RPL27A: variants seen among roughly 807,000 people sequenced by gnomAD.
RPL27A encodes ribosomal protein L27a, also known as large ribosomal subunit protein uL15.
For synonymous variants in RPL27A, 69 were observed against 68.3 expected (o/e 1.01, Z -0.05); for missense variants, 118 against 189.4 (o/e 0.62, Z 2.21).
At chr11:8,684,371 C>T (rs1220185574) in intron 3 of RPL27A, 2 of 724,588 alleles carry the variant, frequency 2.8e-6, no homozygotes, top group South Asian at 1.4e-5. Flanking sequence ...CATTCACCTA[C>T]CCACAAACTA....
chr11:8,685,222 C>G (rs186124746), intron 4 of RPL27A: 1 of 435,940 alleles, frequency 2.3e-6, no homozygotes, highest in Middle Eastern at 7.0e-4. Context: ...TCCCCCAAAA[C>G]AGATGTATTA....
rs2039591235 is a variant in RPL27A, at chr11:8,686,794, A to T, written c.*988A>T. 6.6e-6 allele frequency: 1 copy of T among 152,218 alleles called. No individual in the cohort carries two copies. Among genetic ancestry groups the T allele is most frequent in the Non-Finnish European group, 1.5e-5 (1 of 68,038 alleles). 9.4% of individuals were successfully genotyped at this position (152,218 alleles called of 1,614,324 possible). ...CTGATGGTGACCAATTCATGTTTAC[A>T]AATAAGATCCTCATAGATCTCGGTA... On this transcript the variant is annotated 3_prime_UTR_variant, in exon 5 of 5. Coordinates refer to ENST00000314138, the MANE Select transcript of RPL27A (RefSeq NM_000990.5).
intron 4 of RPL27A, 80 bp from the exon 5 acceptor site, chr11:8,685,598 G>A (rs2039579573): frequency 2.0e-6 from 3 of 1,506,776 alleles, no homozygotes; most frequent in Non-Finnish European, 2.8e-6. Context: ...TAGAAAGTGG[G>A]TTGGCAGTCT....
Position 8,686,798 on chromosome 11 carries a change from A to C in RPL27A, c.*992A>C, listed in dbSNP as rs1374438032. ...TGGTGACCAATTCATGTTTACAAAT[A>C]AGATCCTCATAGATCTCGGTAAATT... On this transcript the variant is annotated 3_prime_UTR_variant, in exon 5 of 5. Coordinates refer to ENST00000314138, the MANE Select transcript of RPL27A (RefSeq NM_000990.5). 3.3e-5 allele frequency: 5 copies of C among 152,220 alleles called. No homozygotes were observed. Among genetic ancestry groups the C allele is most frequent in the Non-Finnish European group, 7.3e-5 (5 of 68,030 alleles). The allele number at this position is 152,220 out of a possible 1,614,324, so 9.4% of individuals were successfully genotyped here.
chr11:8,685,477 T>C (rs1406582812), intron 4 of RPL27A: 1 of 727,818 alleles, frequency 1.4e-6, no homozygotes, highest in Non-Finnish European at 2.5e-6. Context: ...ACTCTTGTCC[T>C]GGTGTGCTAG....
rs1302735564 is a variant in RPL27A at position 8,686,991 on chromosome 11, G to C, written c.*1185G>C. ...GGGTCATAATAAGCCGAGAACCATG[G>C]CTGTCTATGGGACACATCTGTCAGG... On this transcript the variant is annotated 3_prime_UTR_variant, in exon 5 of 5. Transcript: ENST00000314138. 6.6e-6 allele frequency: 1 copy of C among 152,178 alleles called. No individual in the cohort carries two copies. Among genetic ancestry groups the C allele is most frequent in the Non-Finnish European group, 1.5e-5 (1 of 68,032 alleles). The allele number at this position is 152,178 out of a possible 1,614,324, so 9.4% of individuals were successfully genotyped here. A position where few individuals can be genotyped will look rare whatever the true frequency, so the allele number is the denominator to read the frequency against.
intron 1 of RPL27A, 46 bp downstream of exon 1, chr11:8,682,862 C>T (rs755868948): frequency 1.9e-6 from 3 of 1,596,642 alleles, no homozygotes; most frequent in Middle Eastern, 1.7e-4. Context: ...GGCGGAGACC[C>T]CTAAGCTGTA....
In RPL27A at chr11:8,687,879, C is replaced by G. The variant is rs1036887107; in HGVS notation, c.*2073C>G. ...TCCTGATCTGCCCGCCTCAGCCTCC[C>G]AAAGTGCTGGGATTACAGGCATGAG... On this transcript the variant is annotated 3_prime_UTR_variant, in exon 5 of 5. Coordinates refer to ENST00000314138, the MANE Select transcript of RPL27A (RefSeq NM_000990.5). The G allele has an allele frequency of 6.6e-6, 1 of 152,348 alleles. No homozygotes were observed. Among genetic ancestry groups the G allele is most frequent in the African/African-American group, 2.4e-5 (1 of 41,444 alleles). The allele number at this position is 152,348 out of a possible 1,614,324, so 9.4% of individuals were successfully genotyped here. A position where few individuals can be genotyped will look rare whatever the true frequency, so the allele number is the denominator to read the frequency against.
Position 8,684,833 on chromosome 11 carries a change from C to A in RPL27A, c.259C>A (p.Arg87=). The A allele has an allele frequency of 6.2e-7, 1 of 1,613,974 alleles. No homozygotes were observed. Among genetic ancestry groups the A allele is most frequent in the Non-Finnish European group, 8.5e-7 (1 of 1,179,836 alleles). ...GTGGACTTTGGTCAGTGAACAGACA[C>A]GGGTGAATGCTGCTAAAAACAAGAC... ...KLWTLVSEQT[R]VNAAKNKTGA... Residue 87 remains arginine (R), a synonymous_variant, in exon 4 of 5, where the codon CGG becomes AGG. Transcript: ENST00000314138.
At chr11:8,685,241 C>T (rs941881276) in intron 4 of RPL27A, 16 of 426,108 alleles carry the variant, frequency 3.8e-5, no homozygotes, top group Non-Finnish European at 5.3e-5. Context: ...TATGTCTGTC[C>T]TTGCGGGGGT....
chr11:8,684,829 G>A lies in RPL27A; in HGVS notation c.255G>A (p.Gln85=), dbSNP rs1183938164. The A allele has an allele frequency of 6.2e-7, 1 of 1,614,100 alleles. No individual in the cohort carries two copies. The highest frequency in any genetic ancestry group is 1.1e-5 in the South Asian group (1 of 91,078). ...AATTGTGGACTTTGGTCAGTGAACA[G>A]ACACGGGTGAATGCTGCTAAAAACA... ...LDKLWTLVSE[Q]TRVNAAKNKT... The change falls in exon 4 of 5, where the codon CAG becomes CAA. Residue 85 remains glutamine (Q), a synonymous_variant. Coordinates refer to ENST00000314138, the MANE Select transcript of RPL27A (RefSeq NM_000990.5).
intron 4 of RPL27A, chr11:8,685,169 T>C (rs2039574478): frequency 2.0e-6 from 1 of 505,518 alleles, no homozygotes; most frequent in South Asian, 2.1e-5. Context: ...AATCCTAATA[T>C]GTTCCATTGA....
At chr11:8,684,400 C>A in intron 3 of RPL27A, 1 of 717,398 alleles carries the variant, frequency 1.4e-6, no homozygotes. Context: ...TAAATTTTGG[C>A]TATTCAGAAG....
chr11:8,684,130 C>A, intron 3 of RPL27A, 49 bp downstream of exon 3: 1 of 1,481,072 alleles, frequency 6.8e-7, no homozygotes, highest in Non-Finnish European at 9.4e-7. Context: ...GAGGTAGGGG[C>A]AGAGAGAGGG....
intron 2 of RPL27A, chr11:8,683,618 G>C (rs1209476502): frequency 2.0e-6 from 1 of 490,458 alleles, no homozygotes; most frequent in Non-Finnish European, 3.7e-6. Context: ...ACAGAAGTCT[G>C]GGAAACACTC....
chr11:8,682,987 T>A, intron 1 of RPL27A, 171 bp downstream of exon 1: 2 of 948,570 alleles, frequency 2.1e-6, no homozygotes, highest in Non-Finnish European at 3.2e-6. Context: ...CCCGGAGCCG[T>A]GTGTTAGGCC....
Position 8,685,704 on chromosome 11 carries a change from A to G in RPL27A, c.345A>G (p.Gly115=), listed in dbSNP as rs1032515668. Residue 115 remains glycine (G), a synonymous_variant, in exon 5 of 5, where the codon GGA becomes GGG. Transcript: ENST00000314138. ...GCTACTACAAAGTTCTGGGAAAGGG[A>G]AAGCTCCCAAAGCAGCCTGTCATCG... is the stretch of plus-strand genomic sequence containing the variant. ...RSGYYKVLGK[G]KLPKQPVIVK... The G allele has an allele frequency of 6.2e-7, 1 of 1,614,188 alleles. No homozygotes were observed. The highest frequency in any genetic ancestry group is 8.5e-7 in the Non-Finnish European group (1 of 1,180,018).
At position 8,688,444 on chromosome 11, in the gene RPL27A, G is replaced by T. The variant is rs2039607127; in HGVS notation, c.*2638G>T. ...AAACTGTTTCATGTGATGAGGAACAGACGAAAATAGTTTTGAGCCCTAAGT... is the reference window on the plus strand; with the variant it reads ...AAACTGTTTCATGTGATGAGGAACATACGAAAATAGTTTTGAGCCCTAAGT... On this transcript the variant is annotated 3_prime_UTR_variant, in exon 5 of 5. Transcript: ENST00000314138. The T allele has an allele frequency of 1.3e-5, 2 of 152,216 alleles. No homozygotes were observed. The highest frequency in any genetic ancestry group is 6.5e-5 in the Admixed American group (1 of 15,288). 9.4% of individuals were successfully genotyped at this position (152,216 alleles called of 1,614,324 possible). A position where few individuals can be genotyped will look rare whatever the true frequency, so the allele number is the denominator to read the frequency against.
Position 8,687,619 on chromosome 11 carries a change from C to T in RPL27A, c.*1813C>T, listed in dbSNP as rs1428560781. 6.6e-6 allele frequency: 1 copy of T among 152,206 alleles called. No individual in the cohort carries two copies. The highest frequency in any genetic ancestry group is 6.5e-5 in the Admixed American group (1 of 15,278). 9.4% of individuals were successfully genotyped at this position (152,206 alleles called of 1,614,324 possible). ...AGGATTGTGTAGATTAAAATGGAAA[C>T]CGTGCACTTAATTTTTTGTTTTGTT... On this transcript the variant is annotated 3_prime_UTR_variant, in exon 5 of 5. Transcript: ENST00000314138.
Sources: allele counts gnomAD v4.1 joint callset, GRCh38; gene constraint gnomAD v4.1.1; transcripts MANE v1.5; gene names NCBI Gene and HGNC (gene_info 2026-07-23, HGNC 2026-07-21).